Variants in MAGED1 observed in about 807,000 individuals in gnomAD.
MAGED1 encodes the protein melanoma-associated antigen D1.
A neutral mutation model predicts 54.1 loss-of-function variants in MAGED1; 3 were observed. That is an observed-to-expected ratio of 0.06 (90% CI 0.03 to 0.14). The LOEUF is 0.14. Among genes scored for constraint, MAGED1 ranks in the 10% least tolerant of loss-of-function variants. The probability of loss-of-function intolerance (pLI) is 1.00; values close to 1 mark genes in which losing one functional copy is unlikely to be tolerated. For synonymous variants in MAGED1, 217 were observed against 227.3 expected, an observed-to-expected ratio of 0.95 and a Z score of 0.41; for missense variants, 485 against 623.4, an observed-to-expected ratio of 0.78 and a Z score of 2.36.
chrX:51,866,819 TG>T (rs782457443), intron 1 of MAGED1, among the ~76,000 whole-genome samples: 1 of 111,872 alleles, frequency 8.9e-6, no homozygotes, highest in South Asian at 3.8e-4. Flanking sequence ...GTAGTGGCAA[TG>T]CAATATCCTT....
chrX:51,827,931 T>G (rs1039689771), intron 1 of MAGED1, among the ~76,000 whole-genome samples: 3 of 111,770 alleles, frequency 2.7e-5, no homozygotes, highest in Non-Finnish European at 5.6e-5. Context: ...AGACTTACAC[T>G]GCGACTTGAA....
intron 1 of MAGED1, among the ~76,000 whole-genome samples, chrX:51,847,297 A>G (rs1926721976): frequency 8.9e-6 from 1 of 111,780 alleles, no homozygotes; most frequent in African/African-American, 3.3e-5. Context: ...TTTTGGACAT[A>G]TACCCCTAAA....
At chrX:51,817,784 C>G (rs1557356200) in intron 1 of MAGED1, among the ~76,000 whole-genome samples, 1 of 111,741 alleles carries the variant, frequency 8.9e-6, no homozygotes, top group African/African-American at 3.3e-5. Flanking sequence ...AGTGCAAGGC[C>G]CTACCACTTT....
intron 1 of MAGED1, among the ~76,000 whole-genome samples, chrX:51,812,440 C>A (rs1243172341): frequency 9.0e-6 from 1 of 111,506 alleles, no homozygotes; most frequent in Non-Finnish European, 1.9e-5. Flanking sequence ...CCATGGCAAC[C>A]ACTAATATAC....
At chrX:51,876,055 G>C (rs1268751283) in intron 1 of MAGED1, among the ~76,000 whole-genome samples, 1 of 110,929 alleles carries the variant, frequency 9.0e-6, no homozygotes, top group African/African-American at 3.3e-5. Context: ...TGGGTCACAT[G>C]ACCATAGCTT....
intron 1 of MAGED1, among the ~76,000 whole-genome samples, chrX:51,852,013 A>G (rs1352591947): frequency 9.0e-6 from 1 of 111,688 alleles, no homozygotes; most frequent in Non-Finnish European, 1.9e-5. Context: ...TAATGTTACA[A>G]TTCTGGAGGT....
intron 1 of MAGED1, among the ~76,000 whole-genome samples, chrX:51,841,277 G>A (rs1253861770): frequency 1.8e-5 from 2 of 110,547 alleles, no homozygotes; most frequent in African/African-American, 6.6e-5. Context: ...CTTTTTGATG[G>A]GGTTGTTTGT....
chrX:51,872,846 C>G (rs1157176779), intron 1 of MAGED1, among the ~76,000 whole-genome samples: 4 of 111,509 alleles, frequency 3.6e-5, no homozygotes, highest in Non-Finnish European at 5.6e-5. Context: ...TCTGGGAACT[C>G]TCTTCCCTTT....
At chrX:51,896,008 G>C (rs1928734734) in intron 3 of MAGED1, 1 of 393,025 alleles carries the variant, frequency 2.5e-6, no homozygotes, top group Non-Finnish European at 4.4e-6. Context: ...ACCACCATGT[G>C]TTAAGCCTTG....
intron 1 of MAGED1, among the ~76,000 whole-genome samples, chrX:51,815,982 G>A (rs1411777109): frequency 2.7e-5 from 3 of 111,732 alleles, no homozygotes; most frequent in Non-Finnish European, 3.8e-5. Context: ...GTGTACTAAA[G>A]TGCACATTAG....
chrX:51,894,818 C>T lies in MAGED1; in HGVS notation c.46-235C>T, dbSNP rs1298682870. On this transcript the variant is annotated intron_variant, in intron 2 of 12. Coordinates refer to ENST00000326587, the MANE Select transcript of MAGED1 (RefSeq NM_006986.4). ...CTGTTCGTGCCCACTTTCCGCATAC[C>T]GCCCCACCCCTCATTTTGCCCTTGC... 4.4e-6 allele frequency: 5 copies of T among 1,135,703 alleles called. No homozygotes were observed. The African/African-American group carries it at 9.3e-5, about 21-fold the overall frequency. The allele number at this position is 1,135,703 out of a possible 1,213,427, so 93.6% of individuals were successfully genotyped here. A position where few individuals can be genotyped will look rare whatever the true frequency, so the allele number is the denominator to read the frequency against.
Position 51,805,793 on chromosome X carries a change from ATCCATCCG to A in MAGED1, c.-37+2692_-37+2699del, listed in dbSNP as rs1240562388. 6.5e-5 allele frequency among the ~76,000 whole-genome samples: 7 copies of A among 108,389 alleles called. No homozygotes were observed. In the South Asian group the frequency reaches 1.6e-3, roughly 25 times the overall value. 94.1% of individuals were successfully genotyped at this position (108,389 alleles called of 115,157 possible). A position where few individuals can be genotyped will look rare whatever the true frequency, so the allele number is the denominator to read the frequency against. ...TCTTTCTCCATGCATCCATCCATCC[ATCCATCCG>A]TCCATCCGTCCATCCATCCATTTAT... On this transcript the variant is annotated intron_variant, in intron 1 of 12. Coordinates refer to the MAGED1 transcript ENST00000375772.
intron 1 of MAGED1, among the ~76,000 whole-genome samples, chrX:51,861,899 T>A (rs1032141817): frequency 1.3e-4 from 15 of 111,543 alleles, no homozygotes; most frequent in African/African-American, 4.6e-4. Flanking sequence ...CCAGGCTGGT[T>A]TCGAACTCCT....
At chrX:51,833,468 C>A (rs1470583411) in intron 1 of MAGED1, among the ~76,000 whole-genome samples, 1 of 111,435 alleles carries the variant, frequency 9.0e-6, no homozygotes, top group Non-Finnish European at 1.9e-5. Flanking sequence ...TCTGTCATTA[C>A]TTTTTGTGCT....
chrX:51,854,811 T>C (rs1045958913), intron 1 of MAGED1, among the ~76,000 whole-genome samples: 2 of 111,173 alleles, frequency 1.8e-5, no homozygotes, highest in Non-Finnish European at 3.8e-5. Context: ...AGTTCATTTT[T>C]CATTTGTGTG....
upstream of MAGED1, among the ~76,000 whole-genome samples, chrX:51,889,295 A>G (rs1184668047): frequency 9.0e-6 from 1 of 111,119 alleles, no homozygotes; most frequent in Non-Finnish European, 1.9e-5. Context: ...TTAATAAAAT[A>G]TTACCTAAAA....
chrX:51,846,070 C>T (rs1298963714), intron 1 of MAGED1, among the ~76,000 whole-genome samples: 2 of 111,800 alleles, frequency 1.8e-5, no homozygotes, highest in Admixed American at 9.5e-5. Flanking sequence ...GCCACCGTGC[C>T]CGGCCCGATG....
At chrX:51,832,935 G>A (rs139658451) in intron 1 of MAGED1, among the ~76,000 whole-genome samples, 4,357 of 111,328 alleles carry the variant, frequency 0.039, 82 homozygotes, top group Non-Finnish European at 0.057. Flanking sequence ...TTTTATTAGT[G>A]GTCTTTATCT....
At chrX:51,825,086 G>A (rs782786055) in intron 1 of MAGED1, among the ~76,000 whole-genome samples, 10 of 110,899 alleles carry the variant, frequency 9.0e-5, no homozygotes, top group African/African-American at 2.6e-4. Flanking sequence ...TGAGGTGGCA[G>A]TATCACACAC....
Sources: gnomAD v4.1 joint callset for allele counts (sites outside exome capture counted in the v4.1 genomes callset) on GRCh38, gnomAD v4.1.1 for gene constraint, MANE v1.5 for transcripts, NCBI Gene and HGNC (gene_info 2026-07-23, HGNC 2026-07-21) for gene names.